Variants in CTNNA2 observed in about 807,000 individuals in gnomAD.
CTNNA2 encodes the protein catenin alpha 2, also known as catenin alpha-2.
In CTNNA2, 42 loss-of-function variants were observed where a neutral mutation model predicts 101.0. The ratio of observed to expected loss-of-function variants is 0.42; its 90% CI spans 0.32 to 0.54. The LOEUF is 0.54. CTNNA2 is among the 20% of genes least tolerant of loss of function. The pLI, the probability that CTNNA2 is intolerant of heterozygous loss-of-function variation, is 0.14. For synonymous variants in CTNNA2, 450 were observed against 456.4 expected (o/e 0.99, Z 0.18); for missense variants, 871 against 1,223.1 (o/e 0.71, Z 4.29).
At chr2:80,089,142 A>C (rs1165416222) in intron 7 of CTNNA2, among the ~76,000 whole-genome samples, 2 of 152,054 alleles carry the variant, frequency 1.3e-5, no homozygotes, top group African/African-American at 4.8e-5. Flanking sequence ...CCCCCTCCTT[A>C]GCTGGTTTTT....
In CTNNA2 at chr2:79,744,498, C is replaced by T. The variant is rs779076049; in HGVS notation, c.214C>T (p.Leu72=). The T allele has an allele frequency of 6.2e-7, 1 of 1,613,976 alleles. No individual in the cohort carries two copies. The highest frequency in any genetic ancestry group is 1.7e-5 in the Admixed American group (1 of 60,008). Residue 72 remains leucine (L), a synonymous_variant, in exon 3 of 19, where the codon CTG becomes TTG. Coordinates refer to ENST00000402739, the MANE Select transcript of CTNNA2 (RefSeq NM_001282597.3). ...ASVEQATQNF[L]EKGEQIAKES... Reference sequence around the variant, plus strand: ...TGTAGAGCAAGCCACTCAGAATTTCCTGGAAAAGGGTGAACAGATCGCTAA... The same window carrying T: ...TGTAGAGCAAGCCACTCAGAATTTCTTGGAAAAGGGTGAACAGATCGCTAA...
chr2:80,031,662 A>G (rs929720204), intron 7 of CTNNA2, among the ~76,000 whole-genome samples: 1 of 152,204 alleles, frequency 6.6e-6, no homozygotes, highest in Non-Finnish European at 1.5e-5. Context: ...ATAAGGAAAG[A>G]AGGGAAATTT....
chr2:80,125,061 A>G (rs919585610), intron 7 of CTNNA2, among the ~76,000 whole-genome samples: 2 of 152,178 alleles, frequency 1.3e-5, no homozygotes, highest in Admixed American at 6.5e-5. Context: ...ATGTTTTTGG[A>G]AAGAACATCA....
intron 2 of CTNNA2, among the ~76,000 whole-genome samples, chr2:79,276,734 T>G (rs1339180792): frequency 6.6e-6 from 1 of 152,098 alleles, no homozygotes; most frequent in African/African-American, 2.4e-5. Flanking sequence ...AATCTATGCG[T>G]TTTCTCCTCC....
intron 7 of CTNNA2, among the ~76,000 whole-genome samples, chr2:80,172,011 A>G (rs1220689638): frequency 6.6e-6 from 1 of 152,184 alleles, no homozygotes; most frequent in Non-Finnish European, 1.5e-5. Flanking sequence ...AGGAAGTATT[A>G]TGAGGGTGCA....
intron 1 of CTNNA2, among the ~76,000 whole-genome samples, chr2:79,638,226 A>G (rs10496229): frequency 0.056 from 8,579 of 152,310 alleles, 352 homozygotes; most frequent in Admixed American, 0.13. Flanking sequence ...TACAAAATTA[A>G]CAGGCCTCAT....
chr2:79,856,514 A>T (rs1023173369), intron 3 of CTNNA2, among the ~76,000 whole-genome samples: 2 of 152,200 alleles, frequency 1.3e-5, no homozygotes, highest in Non-Finnish European at 2.9e-5. Flanking sequence ...AATCTGTCAT[A>T]TTAACTGTAC....
intron 17 of CTNNA2, among the ~76,000 whole-genome samples, chr2:80,613,789 TCTTACCTTAA>T (rs1175156018): frequency 6.6e-6 from 1 of 151,556 alleles, no homozygotes. Context: ...AAATAACTCT[TCTTACCTTAA>T]CTGGAGACAT....
chr2:79,270,981 A>G (rs1328287979), intron 2 of CTNNA2, among the ~76,000 whole-genome samples: 1 of 152,086 alleles, frequency 6.6e-6, no homozygotes, highest in Non-Finnish European at 1.5e-5. Flanking sequence ...AGAAGGCTGC[A>G]TATTTAAAAC....
At chr2:79,640,748 A>G (rs1206532822) in intron 1 of CTNNA2, among the ~76,000 whole-genome samples, 2 of 152,230 alleles carry the variant, frequency 1.3e-5, no homozygotes, top group East Asian at 3.8e-4. Flanking sequence ...ATATGTTCAC[A>G]TTTAATCAAC....
rs1307118344 is a variant in CTNNA2, at chr2:80,643,452, G to A, written c.2575-4133G>A. ...CAGAAAACAGCACATGGTCTAATTT[G>A]TTAAATGTATGCCCTTGTTTTTAAA... On this transcript the variant is annotated intron_variant, in intron 18 of 18. Coordinates refer to ENST00000402739, the MANE Select transcript of CTNNA2 (RefSeq NM_001282597.3). Among the ~76,000 whole-genome samples, 3 of 152,052 alleles carry A rather than the reference G, an allele frequency of 2.0e-5. No homozygotes were observed. The South Asian group carries it at 6.3e-4, about 32-fold the overall frequency.
At chr2:79,969,861 T>C (rs17018346) in intron 7 of CTNNA2, among the ~76,000 whole-genome samples, 32,505 of 152,196 alleles carry the variant, frequency 0.21, 4,024 homozygotes, top group East Asian at 0.41. Context: ...GTTTCTAAGA[T>C]ATATTCCATG....
At chr2:79,933,873 T>C (rs533435807) in intron 7 of CTNNA2, among the ~76,000 whole-genome samples, 1 of 152,342 alleles carries the variant, frequency 6.6e-6, no homozygotes, top group African/African-American at 2.4e-5. Context: ...TTTTAACATT[T>C]TTTGAATAGT....
At chr2:79,781,001 A>G (rs1225709442) in intron 3 of CTNNA2, among the ~76,000 whole-genome samples, 1 of 152,222 alleles carries the variant, frequency 6.6e-6, no homozygotes, top group East Asian at 1.9e-4. Flanking sequence ...CTTGGATCTC[A>G]TGCAAGAAAG....
intron 7 of CTNNA2, among the ~76,000 whole-genome samples, chr2:80,015,368 C>T (rs1694067016): frequency 6.6e-6 from 1 of 152,116 alleles, no homozygotes; most frequent in African/African-American, 2.4e-5. Context: ...ATAGATATGA[C>T]AATAAGCAGG....
chr2:79,268,030 C>T (rs2104295002), intron 2 of CTNNA2, among the ~76,000 whole-genome samples: 1 of 152,218 alleles, frequency 6.6e-6, no homozygotes, highest in South Asian at 2.1e-4. Flanking sequence ...AGAAGATTCC[C>T]TTCTCAAAAG....
At chr2:80,225,968 G>A (rs1180609108) in intron 7 of CTNNA2, among the ~76,000 whole-genome samples, 1 of 152,204 alleles carries the variant, frequency 6.6e-6, no homozygotes, top group Non-Finnish European at 1.5e-5. Context: ...AATTCAGAAA[G>A]AGTGTGGCAT....
chr2:79,812,744 C>G (rs945559961), intron 3 of CTNNA2, among the ~76,000 whole-genome samples: 1 of 152,068 alleles, frequency 6.6e-6, no homozygotes, highest in Non-Finnish European at 1.5e-5. Flanking sequence ...CAGATTTCTC[C>G]TGAAGCATAA....
At chr2:79,525,045 T>A (rs1425199302) in intron 1 of CTNNA2, among the ~76,000 whole-genome samples, 5 of 151,986 alleles carry the variant, frequency 3.3e-5, no homozygotes, top group African/African-American at 7.2e-5. Flanking sequence ...AAACTTTTTT[T>A]ATTTATCCAA....
Sources: allele counts gnomAD v4.1 joint callset (sites outside exome capture counted in the v4.1 genomes callset), GRCh38; gene constraint gnomAD v4.1.1; transcripts MANE v1.5; gene names NCBI Gene and HGNC (gene_info 2026-07-23, HGNC 2026-07-21).